The following NELL1 variants were observed in gnomAD, a reference collection of about 807,000 sequenced individuals.
The protein encoded by NELL1 is neural EGFL like 1.
NELL1 carries 76 observed loss-of-function variants against 107.4 expected under a neutral mutation model. That is an observed-to-expected ratio of 0.71 (90% CI 0.59 to 0.86). The LOEUF is 0.86. Among genes scored for constraint, NELL1 ranks in the 40% least tolerant of loss-of-function variants. The probability of loss-of-function intolerance (pLI) is 0.00; values close to 1 mark genes in which losing one functional copy is unlikely to be tolerated. For missense variants in NELL1, 1,024 were observed against 1,005.5 expected, an observed-to-expected ratio of 1.02 and a Z score of -0.25; for synonymous variants, 353 against 341.2, an observed-to-expected ratio of 1.03 and a Z score of -0.38.
chr11:20,921,766 G>A (rs1850381113), intron 7 of NELL1, among the ~76,000 whole-genome samples: 1 of 150,156 alleles, frequency 6.7e-6, no homozygotes, highest in African/African-American at 2.4e-5. Context: ...AGAAGGTTAT[G>A]GCAAGAGCAA....
At chr11:20,672,080 A>G (rs1018002280) in intron 1 of NELL1, among the ~76,000 whole-genome samples, 5 of 152,232 alleles carry the variant, frequency 3.3e-5, no homozygotes, top group East Asian at 1.9e-4. Context: ...TTCTACACAC[A>G]TTATCGGAAG....
chr11:21,330,485 T>C (rs1263221382), intron 14 of NELL1, among the ~76,000 whole-genome samples: 1 of 138,384 alleles, frequency 7.2e-6, no homozygotes, highest in Non-Finnish European at 1.6e-5. Context: ...GAAAGATAGT[T>C]TTTCTGGGAA....
chr11:21,012,697 C>G (rs549172777), intron 12 of NELL1, among the ~76,000 whole-genome samples: 1 of 152,146 alleles, frequency 6.6e-6, no homozygotes, highest in Admixed American at 6.5e-5. Context: ...TTGGGAATGG[C>G]AAATGCTAAT....
chr11:21,546,882 A>T (rs181822610), intron 16 of NELL1, among the ~76,000 whole-genome samples: 1 of 152,040 alleles, frequency 6.6e-6, no homozygotes, highest in East Asian at 1.9e-4. Context: ...AGGGAATATT[A>T]AACTATAGTA....
chr11:20,958,698 G>A (rs935321156), intron 11 of NELL1, among the ~76,000 whole-genome samples: 2 of 152,122 alleles, frequency 1.3e-5, no homozygotes, highest in African/African-American at 4.8e-5. Context: ...AACTTCTAAA[G>A]GCTATATTAG....
chr11:21,405,455 C>G (rs1852212998), intron 15 of NELL1, among the ~76,000 whole-genome samples: 1 of 151,992 alleles, frequency 6.6e-6, no homozygotes, highest in Admixed American at 6.6e-5. Flanking sequence ...TAACAGAATA[C>G]AAATGGCTGT....
rs528127041 is a variant in NELL1, at chr11:20,894,090, C to G, written c.603+8550C>G. ...ACTGAATATCCCCATGGGGAAAGCA[C>G]TAATCCTGACCCTGTTTCACACAAC... On this transcript the variant is annotated intron_variant, in intron 5 of 19. Coordinates refer to ENST00000357134, the MANE Select transcript of NELL1 (RefSeq NM_006157.5). Among the ~76,000 whole-genome samples the G allele has an allele frequency of 2.0e-5, 3 of 152,272 alleles. 1 individual carries two copies. In the East Asian group the frequency reaches 5.8e-4, roughly 29 times the overall value.
At chr11:21,445,565 C>A (rs1447841537) in intron 15 of NELL1, among the ~76,000 whole-genome samples, 1 of 152,166 alleles carries the variant, frequency 6.6e-6, no homozygotes, top group Non-Finnish European at 1.5e-5. Context: ...CTCCTGACCT[C>A]AGGTGATCCA....
chr11:21,448,613 T>C (rs1009274801), intron 15 of NELL1, among the ~76,000 whole-genome samples: 1 of 152,204 alleles, frequency 6.6e-6, no homozygotes, highest in Admixed American at 6.5e-5. Context: ...GGTTTACAAT[T>C]TGATAAGTTT....
intron 2 of NELL1, among the ~76,000 whole-genome samples, chr11:20,705,927 A>G (rs1262605915): frequency 6.6e-6 from 1 of 152,214 alleles, no homozygotes; most frequent in Non-Finnish European, 1.5e-5. Flanking sequence ...GCTCATCATG[A>G]CTGGCCATCA....
chr11:20,964,122 C>T (rs147517763), intron 12 of NELL1, among the ~76,000 whole-genome samples: 1 of 152,136 alleles, frequency 6.6e-6, no homozygotes, highest in Non-Finnish European at 1.5e-5. Flanking sequence ...ATTTTGAAAA[C>T]TGCTCTAGTT....
At chr11:20,802,449 T>A (rs1015285540) in intron 3 of NELL1, among the ~76,000 whole-genome samples, 3 of 152,082 alleles carry the variant, frequency 2.0e-5, no homozygotes, top group African/African-American at 7.2e-5. Context: ...AATTTGTTTA[T>A]CAGTTCTAAT....
chr11:21,456,692 G>T (rs1040498665), intron 15 of NELL1, among the ~76,000 whole-genome samples: 1 of 152,090 alleles, frequency 6.6e-6, no homozygotes, highest in South Asian at 2.1e-4. Context: ...TGTCCTCAAG[G>T]AGCCAGCCTA....
intron 14 of NELL1, among the ~76,000 whole-genome samples, chr11:21,236,078 T>C (rs766900795): frequency 6.6e-6 from 1 of 152,044 alleles, no homozygotes; most frequent in African/African-American, 2.4e-5. Flanking sequence ...TCATGGGCCC[T>C]TTCCCTCTCC....
At position 21,357,149 on chromosome 11, in the gene NELL1, T is replaced by C. The variant is rs558559610; in HGVS notation, c.1550-13704T>C. Among the ~76,000 whole-genome samples the C allele has an allele frequency of 1.2e-4, 19 of 152,314 alleles. No homozygotes were observed. In the East Asian group the frequency reaches 3.3e-3, roughly 26 times the overall value. The stretch of plus-strand genomic sequence containing the variant: ...GTGTCTTTTTCATAAAGTGACTTCT[T>C]TTCCTCCGGGTAGATACCCTGTAGT... On this transcript the variant is annotated intron_variant, in intron 14 of 19. Transcript: ENST00000357134.
intron 14 of NELL1, among the ~76,000 whole-genome samples, chr11:21,234,994 G>A (rs1057356426): frequency 2.0e-5 from 3 of 152,162 alleles, no homozygotes; most frequent in African/African-American, 7.2e-5. Flanking sequence ...AAACTACTGG[G>A]CTGTGAATCG....
chr11:21,403,511 A>ATCAACAGCAAGCTCT (rs146859325), intron 15 of NELL1, among the ~76,000 whole-genome samples: 1 of 151,256 alleles, frequency 6.6e-6, no homozygotes, highest in Non-Finnish European at 1.5e-5. Context: ...GATGAGTTTC[A>ATCAACAGCAAGCTCT]TGCCCCATGG....
chr11:20,899,433 T>C (rs1225122066), intron 5 of NELL1, among the ~76,000 whole-genome samples: 2 of 152,096 alleles, frequency 1.3e-5, no homozygotes, highest in African/African-American at 4.8e-5. Flanking sequence ...AATAACTAAC[T>C]CAGAAAGATA....
At chr11:20,954,732 T>C (rs1324245953) in intron 11 of NELL1, among the ~76,000 whole-genome samples, 1 of 152,172 alleles carries the variant, frequency 6.6e-6, no homozygotes, top group Non-Finnish European at 1.5e-5. Context: ...TTGAGAAGAA[T>C]GGTTAGGCAT....
Sources: gnomAD v4.1 joint callset for allele counts (sites outside exome capture counted in the v4.1 genomes callset) on GRCh38, gnomAD v4.1.1 for gene constraint, MANE v1.5 for transcripts, NCBI Gene and HGNC (gene_info 2026-07-23, HGNC 2026-07-21) for gene names.